Variants in ARHGAP29 observed in about 807,000 individuals in gnomAD.
ARHGAP29 encodes the protein rho GTPase-activating protein 29.
A neutral mutation model predicts 122.6 loss-of-function variants in ARHGAP29; 43 were observed. That is an observed-to-expected ratio of 0.35 (90% CI 0.27 to 0.45). The LOEUF (loss-of-function observed/expected upper bound fraction) is 0.45. Ranked by LOEUF, ARHGAP29 falls within the 20% of genes least tolerant of loss-of-function variation. The pLI, the probability that ARHGAP29 is intolerant of heterozygous loss-of-function variation, is 1.00. For missense variants in ARHGAP29, 1,303 were observed against 1,477.2 expected (o/e 0.88, Z 1.93); for synonymous variants, 506 against 497.1 (o/e 1.02, Z -0.24).
At chr1:94,190,126 A>G (rs758801272) in intron 12 of ARHGAP29, 43 bp from the exon 13 acceptor site, 1 of 1,590,478 alleles carries the variant, frequency 6.3e-7, no homozygotes, top group Non-Finnish European at 8.6e-7. Flanking sequence ...CATGATATAC[A>G]GAATGCTATA....
intron 1 of ARHGAP29, among the ~76,000 whole-genome samples, chr1:94,252,968 T>A (rs188667502): frequency 1.3e-5 from 2 of 152,074 alleles, no homozygotes; most frequent in African/African-American, 4.8e-5. Context: ...ATTCACTTCA[T>A]TCTCCTTTAT....
At chr1:94,220,194 A>T (rs1355386579) in intron 3 of ARHGAP29, 64 bp downstream of exon 3, 1 of 1,584,358 alleles carries the variant, frequency 6.3e-7, no homozygotes, top group East Asian at 2.2e-5. Flanking sequence ...TTCACTATAG[A>T]CCAAAATATA....
chr1:94,312,401 T>TAAGAAG, the ARHGAP29 span, among the ~76,000 whole-genome samples: 1 of 149,070 alleles, frequency 6.7e-6, no homozygotes, highest in Non-Finnish European at 1.5e-5. Flanking sequence ...AGAACAAACT[T>TAAGAAG]AAGAAGAATG....
At chr1:94,282,061 T>C in the ARHGAP29 span, among the ~76,000 whole-genome samples, 172 of 152,138 alleles carry the variant, frequency 1.1e-3, no homozygotes, top group African/African-American at 4.0e-3. Flanking sequence ...TGGCAGACAA[T>C]CAGAATCACC....
chr1:94,289,025 A>G, the ARHGAP29 span, among the ~76,000 whole-genome samples: 1 of 152,216 alleles, frequency 6.6e-6, no homozygotes, highest in African/African-American at 2.4e-5. Context: ...AATTATGTGA[A>G]GAAAGACAGT....
At chr1:94,175,040 T>C (rs1286100405) in intron 22 of ARHGAP29, among the ~76,000 whole-genome samples, 1 of 152,204 alleles carries the variant, frequency 6.6e-6, no homozygotes, top group African/African-American at 2.4e-5. Flanking sequence ...GAACAAGTAC[T>C]TTCTGGGTCA....
chr1:94,270,041 G>C (rs537609240), intron 1 of ARHGAP29, among the ~76,000 whole-genome samples: 11 of 152,232 alleles, frequency 7.2e-5, no homozygotes, highest in Admixed American at 2.6e-4. Flanking sequence ...CTAATCATTT[G>C]TCATAAAATA....
At chr1:94,183,507 C>T (rs1649609298) in intron 19 of ARHGAP29, among the ~76,000 whole-genome samples, 1 of 152,040 alleles carries the variant, frequency 6.6e-6, no homozygotes, top group South Asian at 2.1e-4. Context: ...AAAAAAAGAG[C>T]AGTCTACTCC....
At chr1:94,216,898 A>C (rs1423379096) in intron 3 of ARHGAP29, among the ~76,000 whole-genome samples, 3 of 152,182 alleles carry the variant, frequency 2.0e-5, no homozygotes, top group African/African-American at 7.2e-5. Context: ...TCCTGCTTGG[A>C]AACATGAGAA....
At chr1:94,290,649 C>T in the ARHGAP29 span, among the ~76,000 whole-genome samples, 2 of 152,318 alleles carry the variant, frequency 1.3e-5, no homozygotes, top group Non-Finnish European at 2.9e-5. Context: ...TTTCAAAGAA[C>T]AACTTTATTT....
At position 94,184,181 on chromosome 1, in the gene ARHGAP29, G is replaced by T. The variant is rs371205926; in HGVS notation, c.2217C>A (p.Ile739=). ...GAAGGTATAATTTCAAGACGTCACA[G>T]ATATCATGTGAACTAAATTCTGAAA... ...VDISEFSSHD[I]CDVLKLYLRQ... is the part of the protein sequence containing the mutation. Residue 739 remains isoleucine (I), a synonymous_variant, in exon 19 of 23, where the codon ATC becomes ATA. Transcript: ENST00000260526. 2 of 1,609,596 alleles carry T rather than the reference G, an allele frequency of 1.2e-6. No homozygotes were observed. The highest frequency in any genetic ancestry group is 1.7e-6 in the Non-Finnish European group (2 of 1,178,574).
At position 94,203,905 on chromosome 1, in the gene ARHGAP29, C is replaced by A. The variant is rs201818891; in HGVS notation, c.762+25G>T. On this transcript the variant is annotated intron_variant, in intron 8 of 22. Transcript: ENST00000260526. Reference sequence around the variant, plus strand: ...TCATGAGTAGTTTCTTATTATAGAACCCCCGAAGTTCACAGAACACTTACC... The same window carrying A: ...TCATGAGTAGTTTCTTATTATAGAAACCCCGAAGTTCACAGAACACTTACC... 1,707 of 1,606,114 alleles carry A rather than the reference C, an allele frequency of 1.1e-3. 2 individuals are homozygous for A. The highest frequency in any genetic ancestry group is 1.3e-3 in the Non-Finnish European group (1,531 of 1,173,764).
intron 3 of ARHGAP29, among the ~76,000 whole-genome samples, chr1:94,213,086 G>A (rs898228176): frequency 3.3e-5 from 5 of 152,170 alleles, no homozygotes; most frequent in Non-Finnish European, 5.9e-5. Context: ...AATAGGTCAT[G>A]CCATGGCCTA....
chr1:94,270,358 A>G (rs1045211797), intron 1 of ARHGAP29, among the ~76,000 whole-genome samples: 17 of 152,194 alleles, frequency 1.1e-4, no homozygotes, highest in Non-Finnish European at 1.3e-4. Context: ...TGGGTTCTGC[A>G]CTTTTTGAGA....
chr1:94,193,077 CAGA>C (rs367732911), intron 12 of ARHGAP29: 175 of 151,956 alleles, frequency 1.2e-3, no homozygotes, highest in African/African-American at 4.0e-3. Flanking sequence ...CATGGAAAAA[CAGA>C]AGAAGTCTCA....
At chr1:94,294,530 T>G in the ARHGAP29 span, among the ~76,000 whole-genome samples, 1 of 152,152 alleles carries the variant, frequency 6.6e-6, no homozygotes, top group Non-Finnish European at 1.5e-5. Context: ...TCAAGTGAGC[T>G]CCACCTAGGC....
exon 1 of ARHGAP29, chr1:94,275,059 C>G (rs1477777922): frequency 1.3e-5 from 2 of 152,162 alleles, no homozygotes; most frequent in African/African-American, 2.4e-5. Flanking sequence ...ATTAACCTAC[C>G]AGGGGTTCTG....
upstream of ARHGAP29, among the ~76,000 whole-genome samples, chr1:94,276,325 G>C (rs552623437): frequency 5.2e-4 from 79 of 152,196 alleles, no homozygotes; most frequent in African/African-American, 1.9e-3. Flanking sequence ...GCATAGGATA[G>C]GGGAGCATCT....
rs1256534528 is a variant in ARHGAP29 at position 94,173,928 on chromosome 1, T to C, written c.3727A>G (p.Arg1243Gly). Reference protein sequence around the residue: ...PDVNPMCQRPRLKRMQQFEDL... With the variant: ...PDVNPMCQRPGLKRMQQFEDL... ...TCAAACTGTTGCATTCGTTTTAGCC[T>C]TGGTCTCTGACACATTGGATTCACA... Residue 1243 changes from arginine to glycine, a missense_variant, in exon 23 of 23, where the codon AGG becomes GGG. By Grantham distance (125) the Arg-to-Gly change is moderately radical. Around this residue, in one of 3 missense-constraint regions of ARHGAP29, gnomAD observed 620 missense variants for 651.2 expected, o/e 0.95. Transcript: ENST00000260526. 2 of 1,613,902 alleles carry C rather than the reference T, an allele frequency of 1.2e-6. No homozygotes were observed. Among genetic ancestry groups the C allele is most frequent in the Admixed American group, 1.7e-5 (1 of 60,012 alleles).
Sources: allele counts gnomAD v4.1 joint callset (sites outside exome capture counted in the v4.1 genomes callset), GRCh38; gene constraint gnomAD v4.1.1; regional missense constraint gnomAD v4.1.1; transcripts MANE v1.5; gene names NCBI Gene and HGNC (gene_info 2026-07-23, HGNC 2026-07-21).